The following LIPI variants were observed in gnomAD, a reference collection of about 807,000 sequenced individuals.
LIPI encodes the protein lipase I, also known as lipase member I.
In LIPI, 59 loss-of-function variants were observed where a neutral mutation model predicts 50.6. The ratio of observed to expected loss-of-function variants is 1.16; its 90% confidence interval spans 0.94 to 1.45. The LOEUF (loss-of-function observed/expected upper bound fraction) is 1.45. LIPI is among the 40% of genes most tolerant of loss of function. The pLI is 0.00. For missense variants in LIPI, 586 were observed against 536.3 expected, an observed-to-expected ratio of 1.09 and a Z score of -0.92; for synonymous variants, 203 against 178.2, an observed-to-expected ratio of 1.14 and a Z score of -1.11.
chr21:14,158,410 A>C (rs2018346654), intron 7 of LIPI, among the ~76,000 whole-genome samples: 1 of 151,650 alleles, frequency 6.6e-6, no homozygotes, highest in Admixed American at 6.6e-5. Context: ...ACAACATATC[A>C]AAACACATGA....
chr21:14,163,546 T>C (rs1490222203), intron 6 of LIPI, 23 bp from the exon 7 acceptor site: 2 of 1,120,462 alleles, frequency 1.8e-6, no homozygotes, highest in Admixed American at 1.7e-5. Context: ...AAATAGAACA[T>C]TAGAAATTGG....
At chr21:14,188,299 A>AT (rs893403068) in intron 2 of LIPI, among the ~76,000 whole-genome samples, 5 of 152,134 alleles carry the variant, frequency 3.3e-5, no homozygotes, top group African/African-American at 1.2e-4. Flanking sequence ...TTTCAAAATG[A>AT]TTTTTTGCCT....
intron 4 of LIPI, among the ~76,000 whole-genome samples, chr21:14,172,772 CG>C (rs2018964438): frequency 6.6e-6 from 1 of 151,554 alleles, no homozygotes; most frequent in Non-Finnish European, 1.5e-5. Context: ...TGCTAAATGA[CG>C]AGTTAATGGG....
At chr21:14,132,038 A>G (rs1348892264) in intron 9 of LIPI, among the ~76,000 whole-genome samples, 1 of 152,190 alleles carries the variant, frequency 6.6e-6, no homozygotes, top group Non-Finnish European at 1.5e-5. Flanking sequence ...CAAATAAACA[A>G]ACAAAAAAAC....
chr21:14,207,157 T>G (rs2020248616), intron 1 of LIPI, among the ~76,000 whole-genome samples: 1 of 152,206 alleles, frequency 6.6e-6, no homozygotes, highest in Admixed American at 6.6e-5. Context: ...ATAGCTTTAA[T>G]TATGTAGTTG....
chr21:14,155,788 C>T (rs1040021535), intron 7 of LIPI, among the ~76,000 whole-genome samples: 1 of 151,958 alleles, frequency 6.6e-6, no homozygotes, highest in Non-Finnish European at 1.5e-5. Context: ...AAAAACAAAT[C>T]TCACTAGCAG....
At chr21:14,138,562 A>G (rs2017592106) in intron 9 of LIPI, among the ~76,000 whole-genome samples, 1 of 152,054 alleles carries the variant, frequency 6.6e-6, no homozygotes, top group Admixed American at 6.6e-5. Context: ...TATTTTTATA[A>G]GAAAAAGTCA....
chr21:14,166,572 A>C, intron 4 of LIPI, 121 bp from the exon 5 acceptor site: 1 of 678,080 alleles, frequency 1.5e-6, no homozygotes, highest in Non-Finnish European at 2.7e-6. Context: ...ATTGAAAATA[A>C]GTGCTGTTTT....
At chr21:14,133,151 T>C (rs764057217) in intron 9 of LIPI, among the ~76,000 whole-genome samples, 2 of 152,172 alleles carry the variant, frequency 1.3e-5, no homozygotes, top group Admixed American at 6.5e-5. Context: ...TCTTTCTAAC[T>C]CATTCTAAGA....
At chr21:14,167,395 C>T (rs568958621) in intron 4 of LIPI, among the ~76,000 whole-genome samples, 51 of 152,302 alleles carry the variant, frequency 3.3e-4, no homozygotes, top group African/African-American at 5.5e-4. Context: ...GATCTGAGAA[C>T]GGGCAGACTG....
chr21:14,167,769 A>G (rs2018744902), intron 4 of LIPI, among the ~76,000 whole-genome samples: 1 of 152,180 alleles, frequency 6.6e-6, no homozygotes, highest in Non-Finnish European at 1.5e-5. Context: ...TGGGGAAAAA[A>G]CAGAGCAGAA....
chr21:14,194,219 G>A (rs1405064945), intron 1 of LIPI, among the ~76,000 whole-genome samples: 17 of 152,130 alleles, frequency 1.1e-4, no homozygotes, highest in Admixed American at 1.1e-3. Flanking sequence ...ATAAAATGGT[G>A]TAGCTGCTGT....
intron 5 of LIPI, among the ~76,000 whole-genome samples, 162 bp from the exon 6 acceptor site, chr21:14,165,552 C>G (rs561741236): frequency 6.6e-6 from 1 of 152,162 alleles, no homozygotes; most frequent in Non-Finnish European, 1.5e-5. Flanking sequence ...ACAAATAGTA[C>G]CAATGAAAAC....
intron 4 of LIPI, among the ~76,000 whole-genome samples, chr21:14,174,513 A>AT (rs145191379): frequency 0.13 from 19,254 of 150,578 alleles, 1,583 homozygotes; most frequent in South Asian, 0.19. Flanking sequence ...CTAACCCATC[A>AT]TTTTTTTTTA....
At chr21:14,199,603 A>C (rs888493820) in intron 1 of LIPI, among the ~76,000 whole-genome samples, 43 of 151,178 alleles carry the variant, frequency 2.8e-4, no homozygotes, top group African/African-American at 9.2e-4. Flanking sequence ...ATAGCCTACC[A>C]ACCAAAAAAA....
intron 9 of LIPI, among the ~76,000 whole-genome samples, chr21:14,133,817 G>C (rs2017388832): frequency 6.6e-6 from 1 of 152,182 alleles, no homozygotes; most frequent in African/African-American, 2.4e-5. Context: ...AACCAGTAGT[G>C]TTTCTATACA....
chr21:14,169,440 C>T (rs2018812374), intron 4 of LIPI, among the ~76,000 whole-genome samples: 1 of 152,072 alleles, frequency 6.6e-6, no homozygotes, highest in Non-Finnish European at 1.5e-5. Context: ...ACACCTATTC[C>T]AAAATTGACC....
At chr21:14,118,791 T>C (rs1292978799) in intron 9 of LIPI, among the ~76,000 whole-genome samples, 1 of 152,230 alleles carries the variant, frequency 6.6e-6, no homozygotes, top group East Asian at 1.9e-4. Context: ...GGAACCTACC[T>C]GGTGCAGATC....
chr21:14,133,052 G>T (rs2017355207), intron 9 of LIPI, among the ~76,000 whole-genome samples: 1 of 152,060 alleles, frequency 6.6e-6, no homozygotes, highest in Non-Finnish European at 1.5e-5. Context: ...GGACCAGATG[G>T]ATTCACAACC....
Sources: gnomAD v4.1 joint callset for allele counts (sites outside exome capture counted in the v4.1 genomes callset) on GRCh38, gnomAD v4.1.1 for gene constraint, MANE v1.5 for transcripts, NCBI Gene and HGNC (gene_info 2026-07-23, HGNC 2026-07-21) for gene names.